TRAK1: variants seen among roughly 807,000 people sequenced by gnomAD.
The protein encoded by TRAK1 is trafficking kinesin-binding protein 1.
Under a neutral mutation model 92.1 loss-of-function variants are expected in TRAK1, and 33 were observed. The ratio of observed to expected loss-of-function variants is 0.36; its 90% confidence interval spans 0.27 to 0.48. The LOEUF (loss-of-function observed/expected upper bound fraction) is 0.48, where lower values mean the gene tolerates loss of function less well. Among genes scored for constraint, TRAK1 ranks in the 20% least tolerant of loss-of-function variants. The pLI, the probability that TRAK1 is intolerant of heterozygous loss-of-function variation, is 0.99. For synonymous variants in TRAK1, 521 were observed against 517.3 expected, an observed-to-expected ratio of 1.01 and a Z score of -0.10; for missense variants, 1,123 against 1,257.9, an observed-to-expected ratio of 0.89 and a Z score of 1.62.
chr3:42,072,569 T>TCC lies in TRAK1; in HGVS notation c.-518-14534_-518-14533insCC, dbSNP rs11441208. 1.9e-4 allele frequency among the ~76,000 whole-genome samples: 28 copies of TCC among 146,852 alleles called. No individual in the cohort carries two copies. The East Asian group carries it at 5.2e-3, about 27-fold the overall frequency. ...AGTGTGCAGCTTTTTTTTTTTTCTT[T>TCC]CTCTTTTTCTTCCTCATTTTGGGAG... On this transcript the variant is annotated intron_variant, in intron 1 of 16. Coordinates refer to the TRAK1 transcript ENST00000487159.
intron 1 of TRAK1, among the ~76,000 whole-genome samples, chr3:42,100,405 A>G (rs1488784756): frequency 1.3e-5 from 2 of 152,198 alleles, no homozygotes; most frequent in African/African-American, 4.8e-5. Flanking sequence ...GAGGCAGGTA[A>G]CTTAGTTGTG....
intron 1 of TRAK1, among the ~76,000 whole-genome samples, chr3:42,102,380 AT>A (rs1706899327): frequency 6.6e-6 from 1 of 152,212 alleles, no homozygotes; most frequent in African/African-American, 2.4e-5. Flanking sequence ...CAAACAGTTG[AT>A]GTGGAAGGCA....
In TRAK1 at chr3:42,174,624, CCA is replaced by C. The variant is rs532083588; in HGVS notation, c.287-2186_287-2185del. 6.0e-3 allele frequency among the ~76,000 whole-genome samples: 898 copies of C among 150,320 alleles called. 6 individuals carry two copies. Among genetic ancestry groups the C allele is most frequent in the Middle Eastern group, 0.017 (5 of 286 alleles). On this transcript the variant is annotated intron_variant, in intron 2 of 15. Transcript: ENST00000327628. The stretch of plus-strand genomic sequence containing the variant: ...TAGCTGGGACTACAGGTGTGTGCCA[CCA>C]CACCTGGCTAATTTTTGTGTGTATA...
At chr3:42,182,619 G>T (rs1241110242) in intron 3 of TRAK1, among the ~76,000 whole-genome samples, 1 of 152,192 alleles carries the variant, frequency 6.6e-6, no homozygotes, top group Non-Finnish European at 1.5e-5. Flanking sequence ...TGGCTGGCTT[G>T]TGGGACTGTG....
chr3:42,047,800 T>A (rs926270365), intron 1 of TRAK1, among the ~76,000 whole-genome samples: 1 of 152,194 alleles, frequency 6.6e-6, no homozygotes, highest in African/African-American at 2.4e-5. Context: ...GCAGGGAACA[T>A]CTTGCCAGAG....
intron 2 of TRAK1, among the ~76,000 whole-genome samples, chr3:42,136,427 C>G (rs752980964): frequency 1.3e-5 from 2 of 151,982 alleles, no homozygotes; most frequent in Non-Finnish European, 2.9e-5. Flanking sequence ...GCATTTGAGA[C>G]CAAGCTGGGC....
At chr3:42,018,925 C>T (rs983797492) in intron 1 of TRAK1, among the ~76,000 whole-genome samples, 3 of 152,048 alleles carry the variant, frequency 2.0e-5, no homozygotes. Flanking sequence ...AGATCGAGAC[C>T]ATCCTGGCCA....
intron 2 of TRAK1, among the ~76,000 whole-genome samples, chr3:42,139,372 C>G (rs1698384580): frequency 6.6e-6 from 1 of 152,100 alleles, no homozygotes; most frequent in Non-Finnish European, 1.5e-5. Context: ...GCAGAGACAC[C>G]CTGGAGCACA....
At chr3:42,075,330 G>A in intron 1 of TRAK1, among the ~76,000 whole-genome samples, 1 of 94,112 alleles carries the variant, frequency 1.1e-5, no homozygotes, top group African/African-American at 4.8e-5. Flanking sequence ...GACAGAGTGA[G>A]ACTCAGTCTC....
chr3:42,199,347 C>A (rs553634866), intron 11 of TRAK1, 94 bp downstream of exon 11: 1 of 1,233,014 alleles, frequency 8.1e-7, no homozygotes. Flanking sequence ...CTCTGGGTAC[C>A]GACAGTGATT....
chr3:42,045,290 T>A (rs1207147894), intron 1 of TRAK1, among the ~76,000 whole-genome samples: 1 of 152,058 alleles, frequency 6.6e-6, no homozygotes, highest in Middle Eastern at 3.2e-3. Context: ...ATCCCAGCAC[T>A]TTGGGAGGCT....
intron 2 of TRAK1, among the ~76,000 whole-genome samples, chr3:42,136,143 T>C (rs1307796163): frequency 6.6e-6 from 1 of 152,052 alleles, no homozygotes; most frequent in Non-Finnish European, 1.5e-5. Flanking sequence ...ACTTTTTTGG[T>C]GGGTTTAAGG....
chr3:42,114,172 C>T (rs1708861136), intron 1 of TRAK1, among the ~76,000 whole-genome samples: 1 of 152,068 alleles, frequency 6.6e-6, no homozygotes. Flanking sequence ...TCATTGCTTA[C>T]TGTGGCTGAA....
intron 13 of TRAK1, among the ~76,000 whole-genome samples, chr3:42,208,013 C>T (rs549183115): frequency 2.1e-4 from 32 of 152,278 alleles, no homozygotes; most frequent in South Asian, 1.7e-3. Context: ...GACAACCAAA[C>T]GTGTCTCCAG....
intron 1 of TRAK1, among the ~76,000 whole-genome samples, chr3:42,120,789 GC>G (rs1709750358): frequency 6.6e-6 from 1 of 151,980 alleles, no homozygotes; most frequent in Non-Finnish European, 1.5e-5. Flanking sequence ...CTCGTGTTCC[GC>G]CCACCTCAGC....
intron 1 of TRAK1, among the ~76,000 whole-genome samples, chr3:42,099,497 C>G (rs781330338): frequency 6.6e-6 from 1 of 152,106 alleles, no homozygotes; most frequent in Non-Finnish European, 1.5e-5. Context: ...GGAACGTTTG[C>G]GTGGTACGAA....
chr3:42,197,000 TCTCACACA>T lies in TRAK1; in HGVS notation c.1113+2061_1113+2068del, dbSNP rs1189550289. On this transcript the variant is annotated intron_variant, in intron 10 of 15. Coordinates refer to ENST00000327628, the MANE Select transcript of TRAK1 (RefSeq NM_001042646.3). Reference sequence around the variant, plus strand: ...CTTTCTCTTTCTCTCTCTCTCTCTCTCTCACACACACACACACACACACACACACACAC... The same window carrying T: ...CTTTCTCTTTCTCTCTCTCTCTCTCTCACACACACACACACACACACACAC... Among the ~76,000 whole-genome samples the T allele has an allele frequency of 1.9e-3, 253 of 131,162 alleles. 1 individual carries two copies. The highest frequency in any genetic ancestry group is 0.013 in the South Asian group (47 of 3,732). 86.0% of individuals were successfully genotyped at this position (131,162 alleles called of 152,430 possible). A position where few individuals can be genotyped will look rare whatever the true frequency, so the allele number is the denominator to read the frequency against.
chr3:42,100,491 A>C (rs1459970150), intron 1 of TRAK1, among the ~76,000 whole-genome samples: 1 of 151,826 alleles, frequency 6.6e-6, no homozygotes, highest in Admixed American at 6.5e-5. Context: ...CTTCCCATCC[A>C]CTCTGTTTAC....
Position 42,188,155 on chromosome 3 carries a change from C to T in TRAK1, c.581+10C>T. On this transcript the variant is annotated intron_variant, in intron 5 of 15. Coordinates refer to ENST00000327628, the MANE Select transcript of TRAK1 (RefSeq NM_001042646.3). ...CCGTTTGCTCAACCCCGTAAGTCAC[C>T]AGAGGGCTGTATTTCTGGAGGCCAG... 2 of 1,613,830 alleles carry T rather than the reference C, an allele frequency of 1.2e-6. No individual in the cohort carries two copies. Among genetic ancestry groups the T allele is most frequent in the Non-Finnish European group, 1.7e-6 (2 of 1,179,762 alleles).
Sources: allele counts gnomAD v4.1 joint callset (sites outside exome capture counted in the v4.1 genomes callset), GRCh38; gene constraint gnomAD v4.1.1; transcripts MANE v1.5; gene names NCBI Gene and HGNC (gene_info 2026-07-23, HGNC 2026-07-21).